The following C11orf65 variants were observed in gnomAD, a reference collection of about 807,000 sequenced individuals.
C11orf65 encodes protein MFI.
Under a neutral mutation model 35.3 loss-of-function variants are expected in C11orf65, and 38 were observed. That is an observed-to-expected ratio of 1.08 (90% CI 0.83 to 1.41). The LOEUF (loss-of-function observed/expected upper bound fraction) is 1.41. Among genes scored for constraint, C11orf65 ranks in the 40% most tolerant of loss-of-function variants. The probability of loss-of-function intolerance (pLI) is 0.00; values close to 1 mark genes in which losing one functional copy is unlikely to be tolerated. For missense variants in C11orf65, 370 were observed against 367.1 expected, an observed-to-expected ratio of 1.01 and a Z score of -0.06; for synonymous variants, 105 against 114.4, an observed-to-expected ratio of 0.92 and a Z score of 0.53.
chr11:108,379,884 A>G (rs1325634341), downstream of C11orf65, among the ~76,000 whole-genome samples: 2 of 152,130 alleles, frequency 1.3e-5, no homozygotes, highest in African/African-American at 4.8e-5. Context: ...AATTTCTCAA[A>G]AAGGGGTAAT....
At chr11:108,385,313 C>T (rs1295779897) in intron 8 of C11orf65, among the ~76,000 whole-genome samples, 1 of 152,102 alleles carries the variant, frequency 6.6e-6, no homozygotes, top group Admixed American at 6.5e-5. Flanking sequence ...CTCAGGTGAT[C>T]CATCTGCCTC....
At position 108,385,991 on chromosome 11, in the gene C11orf65, G is replaced by A. The variant is rs150619156; in HGVS notation, c.732-16C>T. ...GGCAATGTACCTAAGCACATTATAT[G>A]AGGATTCATTAAATTTAATCGATTC... On this transcript the variant is annotated splice_polypyrimidine_tract_variant and intron_variant, in intron 7 of 8. Coordinates refer to ENST00000393084, the MANE Select transcript of C11orf65 (RefSeq NM_152587.5). 3.0e-3 allele frequency: 4,760 copies of A among 1,605,996 alleles called. 16 individuals are homozygous for A. Among genetic ancestry groups the A allele is most frequent in the Middle Eastern group, 0.013 (80 of 6,030 alleles).
intron 2 of C11orf65, among the ~76,000 whole-genome samples, chr11:108,371,826 C>T (rs371064623): frequency 2.6e-5 from 4 of 152,086 alleles, no homozygotes; most frequent in Admixed American, 2.0e-4. Context: ...CCACAGTGGC[C>T]GAACCATTTT....
At chr11:108,437,707 TAAAAAAAAAAAAAA>T (rs145337876) in intron 2 of C11orf65, among the ~76,000 whole-genome samples, 31 of 38,034 alleles carry the variant, frequency 8.2e-4, no homozygotes, top group Middle Eastern at 0.017. Context: ...GACTCAGTCT[TAAAAAAAAAAAAAA>T]AAAAAAAAAA....
intron 2 of C11orf65, among the ~76,000 whole-genome samples, chr11:108,359,537 T>C (rs747570397): frequency 5.9e-5 from 9 of 152,198 alleles, no homozygotes; most frequent in Non-Finnish European, 1.3e-4. Flanking sequence ...ATTGACCCCA[T>C]AGTTGGAAGT....
chr11:108,468,317 C>T (rs17618313), upstream of C11orf65, among the ~76,000 whole-genome samples: 3,052 of 152,320 alleles, frequency 0.02, 49 homozygotes, highest in Admixed American at 0.035. Context: ...CAGACGACCT[C>T]TTGAATGAGT....
intron 6 of C11orf65, among the ~76,000 whole-genome samples, chr11:108,397,656 G>C (rs1312593894): frequency 2.0e-5 from 3 of 152,094 alleles, no homozygotes; most frequent in African/African-American, 7.2e-5. Flanking sequence ...CTGATTCTCA[G>C]CAACAGTCAG....
intron 3 of C11orf65, among the ~76,000 whole-genome samples, chr11:108,431,318 T>A (rs1591539574): frequency 6.6e-6 from 1 of 152,134 alleles, no homozygotes. Flanking sequence ...TAAAAGAGAA[T>A]AATGGCTATT....
At chr11:108,377,458 T>C (rs1222672141) in intron 2 of C11orf65, among the ~76,000 whole-genome samples, 4 of 152,056 alleles carry the variant, frequency 2.6e-5, no homozygotes, top group Non-Finnish European at 5.9e-5. Context: ...TCTCAATAAA[T>C]TAGGTATTGA....
chr11:108,330,566 A>G (rs1347689351), downstream of C11orf65: 1 of 860,298 alleles, frequency 1.2e-6, no homozygotes, highest in East Asian at 2.5e-5. Flanking sequence ...GTAGTTTTCT[A>G]AACTTTGATC....
intron 2 of C11orf65, among the ~76,000 whole-genome samples, chr11:108,372,986 A>T (rs2091612911): frequency 6.6e-6 from 1 of 152,154 alleles, no homozygotes. Context: ...TGGCTGAGGC[A>T]CAAGAATCAC....
chr11:108,413,969 A>G (rs1456853202), intron 3 of C11orf65, among the ~76,000 whole-genome samples: 1 of 152,132 alleles, frequency 6.6e-6, no homozygotes, highest in Non-Finnish European at 1.5e-5. Flanking sequence ...AAAACAAAAA[A>G]TATCTGAAAG....
At chr11:108,335,167 T>G (rs757888970) in intron 3 of C11orf65, 3 of 1,611,002 alleles carry the variant, frequency 1.9e-6, no homozygotes, top group Non-Finnish European at 2.5e-6. Context: ...AATTTTTAGT[T>G]CATATTTTCT....
chr11:108,461,331 C>A, intron 2 of C11orf65, 148 bp downstream of exon 2: 1 of 584,630 alleles, frequency 1.7e-6, no homozygotes, highest in Non-Finnish European at 3.0e-6. Context: ...ACCTGGGAGG[C>A]AGAGGCTGCA....
intron 2 of C11orf65, among the ~76,000 whole-genome samples, chr11:108,356,990 G>C (rs191852433): frequency 7.2e-4 from 110 of 152,334 alleles, no homozygotes; most frequent in Admixed American, 2.8e-3. Context: ...CCCAGCGTGA[G>C]CGATGCAGAA....
rs2084783116 is a variant in C11orf65 at position 108,317,437 on chromosome 11, A to G, written c.641-8366T>C. 3 of 1,612,766 alleles carry G rather than the reference A, an allele frequency of 1.9e-6. No individual in the cohort carries two copies. Among genetic ancestry groups the G allele is most frequent in the Non-Finnish European group, 1.7e-6 (2 of 1,179,456 alleles). Reference sequence around the variant, plus strand: ...TATTTAAAAGGATTGGATTATGAAAATAAAGACTGGTGTCCTGAACTAGAA... The same window carrying G: ...TATTTAAAAGGATTGGATTATGAAAGTAAAGACTGGTGTCCTGAACTAGAA... On this transcript the variant is annotated intron_variant, in intron 6 of 6. Transcript: ENST00000525729.
At chr11:108,444,019 A>G (rs1239784905) in intron 2 of C11orf65, among the ~76,000 whole-genome samples, 2 of 152,190 alleles carry the variant, frequency 1.3e-5, no homozygotes, top group Non-Finnish European at 1.5e-5. Context: ...CAAAAAATCA[A>G]TGAATCCAGG....
At chr11:108,313,573 A>T (rs1303865361) in intron 6 of C11orf65, among the ~76,000 whole-genome samples, 1 of 152,064 alleles carries the variant, frequency 6.6e-6, no homozygotes, top group Non-Finnish European at 1.5e-5. Flanking sequence ...TGTTCTGTTT[A>T]CCTTTTTGAT....
At chr11:108,390,745 CATT>C (rs2092141099) in intron 7 of C11orf65, among the ~76,000 whole-genome samples, 1 of 152,150 alleles carries the variant, frequency 6.6e-6, no homozygotes, top group African/African-American at 2.4e-5. Context: ...TTTCTTGCAT[CATT>C]ATTACCATCT....
Sources: allele counts gnomAD v4.1 joint callset (sites outside exome capture counted in the v4.1 genomes callset), GRCh38; gene constraint gnomAD v4.1.1; transcripts MANE v1.5; gene names NCBI Gene and HGNC (gene_info 2026-07-23, HGNC 2026-07-21).